Variants in EYS observed in about 807,000 individuals in gnomAD.
EYS encodes EGF-like photoreceptor maintenance factor, also known as protein eyes shut homolog.
In EYS, 250 loss-of-function variants were observed where a neutral mutation model predicts 282.1. The ratio of observed to expected loss-of-function variants is 0.89; its 90% CI spans 0.80 to 0.98. EYS has a LOEUF of 0.98. EYS is among the 50% of genes least tolerant of loss of function. The probability of loss-of-function intolerance (pLI) is 0.00; values close to 1 mark genes in which losing one functional copy is unlikely to be tolerated. For synonymous variants in EYS, 1,355 were observed against 1,282.9 expected (o/e 1.06, Z -1.20); for missense variants, 4,016 against 3,709.0 (o/e 1.08, Z -2.15).
At chr6:65,432,088 AAAGT>A (rs1467987312) in intron 5 of EYS, among the ~76,000 whole-genome samples, 1 of 152,160 alleles carries the variant, frequency 6.6e-6, no homozygotes, top group Non-Finnish European at 1.5e-5. Flanking sequence ...ATGATCCATA[AAAGT>A]AAGATAAATA....
chr6:64,869,994 GA>G (rs912682945), intron 19 of EYS, among the ~76,000 whole-genome samples: 2 of 150,924 alleles, frequency 1.3e-5, no homozygotes, highest in African/African-American at 2.4e-5. Flanking sequence ...TAACAGTGGA[GA>G]AAAAAAAGAC....
chr6:65,658,328 A>G (rs1767894848), intron 1 of EYS, among the ~76,000 whole-genome samples: 1 of 151,708 alleles, frequency 6.6e-6, no homozygotes, highest in African/African-American at 2.4e-5. Flanking sequence ...TAAAAATCTG[A>G]AAACTGTATG....
intron 3 of EYS, 112 bp from the exon 4 acceptor site, chr6:65,495,719 G>A (rs1329519070): frequency 5.1e-6 from 2 of 391,368 alleles, no homozygotes; most frequent in Non-Finnish European, 9.3e-6. Context: ...CAAAGATAGT[G>A]TCACCAGCAG....
At chr6:64,051,486 C>G (rs1770809146) in intron 33 of EYS, among the ~76,000 whole-genome samples, 1 of 152,030 alleles carries the variant, frequency 6.6e-6, no homozygotes, top group Non-Finnish European at 1.5e-5. Flanking sequence ...TAGGATGCTT[C>G]CTGGAATAGC....
intron 12 of EYS, among the ~76,000 whole-genome samples, chr6:65,261,355 T>C (rs1054883662): frequency 6.6e-6 from 1 of 151,926 alleles, no homozygotes; most frequent in Non-Finnish European, 1.5e-5. Context: ...CATCCAAATA[T>C]ATACAAAGTG....
rs188567294 is a variant in EYS, at chr6:65,023,097, A to T, written c.2138-25394T>A. Among the ~76,000 whole-genome samples the T allele has an allele frequency of 4.9e-4, 75 of 152,302 alleles. 1 individual carries two copies. Among genetic ancestry groups the T allele is most frequent in the Non-Finnish European group, 1.8e-4 (12 of 68,002 alleles). On this transcript the variant is annotated intron_variant, in intron 13 of 42. Transcript: ENST00000503581. ...ATTAGATTATGATGATGAGGGTTGC[A>T]CAAGTTTGTGAATATCCTAAAATCC...
intron 14 of EYS, among the ~76,000 whole-genome samples, chr6:64,991,401 GT>G (rs1771058231): frequency 6.6e-6 from 1 of 151,546 alleles, no homozygotes; most frequent in African/African-American, 2.4e-5. Flanking sequence ...TTTAGTTCAA[GT>G]TTTGGCTACA....
chr6:64,024,012 C>T (rs1769340780), intron 33 of EYS, among the ~76,000 whole-genome samples: 1 of 152,212 alleles, frequency 6.6e-6, no homozygotes, highest in Non-Finnish European at 1.5e-5. Context: ...ATGCCTGAGC[C>T]TCCCCCTCTC....
intron 22 of EYS, among the ~76,000 whole-genome samples, chr6:64,640,283 G>C (rs1396868177): frequency 6.7e-6 from 1 of 148,158 alleles, no homozygotes; most frequent in South Asian, 2.2e-4. Context: ...TGTTTATTGC[G>C]GCACTATTCA....
At chr6:64,146,442 G>T (rs946431267) in intron 31 of EYS, among the ~76,000 whole-genome samples, 2 of 152,116 alleles carry the variant, frequency 1.3e-5, no homozygotes, top group African/African-American at 2.4e-5. Flanking sequence ...TCTAAGTTTG[G>T]CTTGTCCCAA....
At chr6:64,449,734 G>A (rs1426073445) in intron 26 of EYS, among the ~76,000 whole-genome samples, 2 of 151,976 alleles carry the variant, frequency 1.3e-5, no homozygotes, top group African/African-American at 4.8e-5. Context: ...TTTCAACCCA[G>A]AATTTCATAT....
At chr6:65,015,759 G>C (rs998613024) in intron 13 of EYS, among the ~76,000 whole-genome samples, 1 of 150,968 alleles carries the variant, frequency 6.6e-6, no homozygotes, top group Admixed American at 6.6e-5. Flanking sequence ...GTACCACCGG[G>C]TGCAGTGGCT....
intron 11 of EYS, among the ~76,000 whole-genome samples, chr6:65,299,175 C>G (rs1768746428): frequency 6.6e-6 from 1 of 152,048 alleles, no homozygotes; most frequent in Admixed American, 6.6e-5. Context: ...ATTTGCCAGT[C>G]TGATTAAAAA....
intron 22 of EYS, among the ~76,000 whole-genome samples, chr6:64,769,343 G>A (rs1773455463): frequency 1.3e-5 from 2 of 151,982 alleles, no homozygotes; most frequent in Non-Finnish European, 2.9e-5. Context: ...AAATAAATGA[G>A]CACAGCTGTA....
intron 22 of EYS, among the ~76,000 whole-genome samples, chr6:64,670,647 G>T (rs917286505): frequency 4.6e-5 from 7 of 152,052 alleles, no homozygotes; most frequent in African/African-American, 1.7e-4. Context: ...GCAGGAAAAT[G>T]CAATCTTGCT....
chr6:64,039,415 C>G (rs981736459), intron 33 of EYS, among the ~76,000 whole-genome samples: 1 of 152,016 alleles, frequency 6.6e-6, no homozygotes, highest in East Asian at 1.9e-4. Flanking sequence ...ATATTAGAAG[C>G]GGTATAGTAC....
intron 28 of EYS, among the ~76,000 whole-genome samples, chr6:64,422,957 T>C (rs563746960): frequency 3.6e-4 from 51 of 141,754 alleles, no homozygotes; most frequent in African/African-American, 1.3e-3. Flanking sequence ...ACTATAGGCA[T>C]ATAAAATACT....
In EYS at chr6:65,057,654, T is replaced by TG. The variant is rs1561944145; in HGVS notation, c.2096_2097insC (p.Gln699HisfsTer4). The TG allele has an allele frequency of 6.4e-7, 1 of 1,551,012 alleles. No individual in the cohort carries two copies. The highest frequency in any genetic ancestry group is 2.0e-5 in the Admixed American group (1 of 50,974). ...CACACTGGCAGAAGTAATTACCAGGTTGGTCAATGCAGGTGGCTCCATTTT... is the reference window on the plus strand; with the variant it reads ...CACACTGGCAGAAGTAATTACCAGGTGTGGTCAATGCAGGTGGCTCCATTTT... On this transcript the variant is annotated frameshift_variant, in exon 13 of 43. Transcript: ENST00000503581. LOFTEE classifies it high-confidence loss of function.
intron 41 of EYS, among the ~76,000 whole-genome samples, chr6:63,738,974 T>A (rs1769003258): frequency 6.6e-6 from 1 of 152,164 alleles, no homozygotes; most frequent in African/African-American, 2.4e-5. Context: ...CGTGTTACGT[T>A]TATTAGCTGG....
Sources: gnomAD v4.1 joint callset for allele counts (sites outside exome capture counted in the v4.1 genomes callset) on GRCh38, gnomAD v4.1.1 for gene constraint, MANE v1.5 for transcripts, NCBI Gene and HGNC (gene_info 2026-07-23, HGNC 2026-07-21) for gene names.